Variants in SYT14 observed in about 807,000 individuals in gnomAD.
The protein encoded by SYT14 is synaptotagmin 14, also known as synaptotagmin-14.
A neutral mutation model predicts 74.2 loss-of-function variants in SYT14; 32 were observed. That is an observed-to-expected ratio of 0.43 (90% CI 0.33 to 0.58). The LOEUF is 0.58. Among genes scored for constraint, SYT14 ranks in the 20% least tolerant of loss-of-function variants. The probability of loss-of-function intolerance (pLI) is 0.05; values close to 1 mark genes in which losing one functional copy is unlikely to be tolerated. For synonymous variants in SYT14, 298 were observed against 337.7 expected, an observed-to-expected ratio of 0.88 and a Z score of 1.29; for missense variants, 791 against 981.8, an observed-to-expected ratio of 0.81 and a Z score of 2.60.
intron 5 of SYT14, among the ~76,000 whole-genome samples, chr1:210,086,475 A>G (rs918744142): frequency 6.6e-6 from 1 of 152,220 alleles, no homozygotes; most frequent in African/African-American, 2.4e-5. Context: ...AGCACTGTCA[A>G]GCTGATTTAT....
intron 5 of SYT14, among the ~76,000 whole-genome samples, chr1:210,087,270 C>T (rs532038375): frequency 9.2e-5 from 14 of 152,268 alleles, no homozygotes; most frequent in Middle Eastern, 3.4e-3. Context: ...TCTAGTATCC[C>T]GATAGGCCAC....
chr1:210,030,342 T>C (rs796073963), intron 5 of SYT14, among the ~76,000 whole-genome samples: 2 of 152,116 alleles, frequency 1.3e-5, no homozygotes, highest in South Asian at 2.1e-4. Context: ...TTACTAGTGA[T>C]GGGGTTTCAC....
chr1:210,021,054 A>T, exon 5 of SYT14: 1 of 1,613,844 alleles, frequency 6.2e-7, no homozygotes, highest in African/African-American at 1.3e-5. Context: ...TCCTACATGG[A>T]CAAAGATGAG....
intron 7 of SYT14, among the ~76,000 whole-genome samples, chr1:210,112,908 TGA>T (rs1466684915): frequency 6.6e-6 from 1 of 151,322 alleles, no homozygotes; most frequent in Non-Finnish European, 1.5e-5. Flanking sequence ...TTCAGCTTGC[TGA>T]GAGGTGGTGG....
chr1:210,118,137 G>C (rs1357352219), intron 7 of SYT14, among the ~76,000 whole-genome samples: 1 of 152,150 alleles, frequency 6.6e-6, no homozygotes, highest in Non-Finnish European at 1.5e-5. Context: ...TATGGAAAGA[G>C]AATACTACTT....
At chr1:210,129,607 A>G (rs150698319) in intron 7 of SYT14, among the ~76,000 whole-genome samples, 11 of 152,356 alleles carry the variant, frequency 7.2e-5, no homozygotes, top group Admixed American at 2.0e-4. Flanking sequence ...CTTTCTTGAT[A>G]ATAATGTTCA....
rs368072216 is a variant in SYT14, at chr1:210,026,605, T to TACACACACACAC, written c.1312+5378_1312+5389dup. Among the ~76,000 whole-genome samples the TACACACACACAC allele has an allele frequency of 1.2e-3, 162 of 138,344 alleles. 1 individual carries two copies. The highest frequency in any genetic ancestry group is 2.5e-3 in the African/African-American group (95 of 38,680). 90.8% of individuals were successfully genotyped at this position (138,344 alleles called of 152,430 possible). ...CACTTATGTCTTAGGGTATATAGCT[T>TACACACACACAC]ACACACACACACACACACACACACA... On this transcript the variant is annotated intron_variant, in intron 5 of 9. Transcript: ENST00000637265.
At chr1:210,052,135 A>G (rs984021567) in intron 5 of SYT14, among the ~76,000 whole-genome samples, 2 of 152,148 alleles carry the variant, frequency 1.3e-5, no homozygotes, top group African/African-American at 2.4e-5. Context: ...TTTAAGAGCA[A>G]TTTATTTGGA....
intron 5 of SYT14, among the ~76,000 whole-genome samples, chr1:210,090,622 G>A (rs1036004271): frequency 6.6e-6 from 1 of 152,002 alleles, no homozygotes; most frequent in African/African-American, 2.4e-5. Flanking sequence ...TAAAAATCGG[G>A]GTATGAAATT....
chr1:210,017,804 A>G lies in SYT14; in HGVS notation c.1096+705A>G, dbSNP rs570215298. Among the ~76,000 whole-genome samples, 90 of 152,324 alleles carry G rather than the reference A, an allele frequency of 5.9e-4. 1 individual carries two copies. Among genetic ancestry groups the G allele is most frequent in the African/African-American group, 2.2e-3 (90 of 41,586 alleles). On this transcript the variant is annotated intron_variant, in intron 4 of 9. Transcript: ENST00000637265. ...TATTCATTAGCAGCTCATACTGCTAATAATTACTTCTGGTAATCCCTTAGT... is the reference window on the plus strand; with the variant it reads ...TATTCATTAGCAGCTCATACTGCTAGTAATTACTTCTGGTAATCCCTTAGT...
At chr1:210,004,273 T>G (rs1007536607) in intron 2 of SYT14, among the ~76,000 whole-genome samples, 1 of 152,072 alleles carries the variant, frequency 6.6e-6, no homozygotes, top group Non-Finnish European at 1.5e-5. Context: ...TTAGTGTATC[T>G]TTCTTTCTTT....
intron 7 of SYT14, among the ~76,000 whole-genome samples, chr1:210,110,194 C>G (rs764615085): frequency 2.0e-5 from 3 of 152,104 alleles, no homozygotes; most frequent in Non-Finnish European, 4.4e-5. Flanking sequence ...TGCAGCAAAC[C>G]ACCATGGCAC....
At chr1:210,059,945 G>A (rs191032746) in intron 5 of SYT14, among the ~76,000 whole-genome samples, 1 of 152,186 alleles carries the variant, frequency 6.6e-6, no homozygotes, top group African/African-American at 2.4e-5. Context: ...GAAATGGGGT[G>A]GGAACTGGGA....
At chr1:210,161,792 T>G in exon 10 of SYT14, 1 of 453,886 alleles carries the variant, frequency 2.2e-6, no homozygotes, top group Non-Finnish European at 4.4e-6. Flanking sequence ...ACTGTAGAAC[T>G]ACGTAACTTT....
In SYT14 at chr1:210,154,989, G is replaced by A. The variant is rs145870599; in HGVS notation, c.2035-732G>A. On this transcript the variant is annotated intron_variant, in intron 7 of 9. Transcript: ENST00000637265. ...CAGTTACTGAATTTGGTCAGTTAAT[G>A]AGGGAAGTGTGCTTATGTACCCAGT... 3.3e-5 allele frequency among the ~76,000 whole-genome samples: 5 copies of A among 152,278 alleles called. 1 individual carries two copies. The East Asian group carries it at 9.6e-4, about 29-fold the overall frequency.
intron 5 of SYT14, among the ~76,000 whole-genome samples, chr1:210,028,177 C>T (rs997861372): frequency 7.3e-5 from 11 of 149,774 alleles, no homozygotes; most frequent in Admixed American, 1.3e-4. Context: ...TTTTTTGTCT[C>T]GCTTATTTTA....
intron 6 of SYT14, among the ~76,000 whole-genome samples, chr1:210,099,127 T>C (rs1456991326): frequency 6.6e-6 from 1 of 152,190 alleles, no homozygotes; most frequent in Non-Finnish European, 1.5e-5. Context: ...GAGAATTATT[T>C]AAGATTTATT....
At chr1:209,980,700 A>T (rs1043208236) in intron 2 of SYT14, among the ~76,000 whole-genome samples, 1 of 152,220 alleles carries the variant, frequency 6.6e-6, no homozygotes, top group Non-Finnish European at 1.5e-5. Flanking sequence ...TTTATTAAAT[A>T]GGGAGCCCTT....
chr1:210,140,685 T>TGG (rs2082896091), intron 7 of SYT14, among the ~76,000 whole-genome samples: 1 of 152,132 alleles, frequency 6.6e-6, no homozygotes, highest in African/African-American at 2.4e-5. Flanking sequence ...TAATACGGTG[T>TGG]GAGGGAGAGG....
Sources: allele counts gnomAD v4.1 joint callset (sites outside exome capture counted in the v4.1 genomes callset), GRCh38; gene constraint gnomAD v4.1.1; transcripts MANE v1.5; gene names NCBI Gene and HGNC (gene_info 2026-07-23, HGNC 2026-07-21).